The following LAMA2 variants were observed in gnomAD, a reference collection of about 807,000 sequenced individuals.
LAMA2 encodes the protein laminin subunit alpha-2.
LAMA2 carries 269 observed loss-of-function variants against 364.8 expected under a neutral mutation model. The observed-to-expected ratio is 0.74, with a 90% CI of 0.67 to 0.82. The LOEUF is 0.82. Ranked by LOEUF, LAMA2 falls within the 40% of genes least tolerant of loss-of-function variation. LAMA2 has a pLI of 0.00. For synonymous variants in LAMA2, 1,379 were observed against 1,370.6 expected, an observed-to-expected ratio of 1.01 and a Z score of -0.14; for missense variants, 3,807 against 3,873.2, an observed-to-expected ratio of 0.98 and a Z score of 0.45.
chr6:129,503,137 C>A lies in LAMA2; in HGVS notation c.8404C>A (p.Leu2802Ile). Residue 2802 changes from leucine (L) to isoleucine (I), a missense_variant, in exon 60 of 65, where the codon CTT becomes ATT. Physicochemically the swap from Leu to Ile is conservative, Grantham distance 5. Transcript: ENST00000421865. The stretch of plus-strand genomic sequence containing the variant: ...AAGAACCGAAGCTGAATCCGGCTTG[C>A]TTTTTTACATGGCTCGCATCAATCA... ...EVRTEAESGL[L>I]FYMARINHAD... 6.2e-7 allele frequency: 1 copy of A among 1,614,146 alleles called. No homozygotes were observed. The highest frequency in any genetic ancestry group is 1.3e-5 in the African/African-American group (1 of 75,034).
At chr6:129,131,750 C>A (rs1777486033) in intron 4 of LAMA2, among the ~76,000 whole-genome samples, 1 of 152,140 alleles carries the variant, frequency 6.6e-6, no homozygotes, top group South Asian at 2.1e-4. Flanking sequence ...TTACTTGTAT[C>A]AAAATTGTTG....
intron 4 of LAMA2, among the ~76,000 whole-genome samples, chr6:129,136,442 T>G (rs1340155681): frequency 1.3e-5 from 2 of 152,036 alleles, no homozygotes; most frequent in African/African-American, 2.4e-5. Flanking sequence ...TAGAAAGCAC[T>G]GCCACATGAA....
chr6:129,079,733 A>G (rs987523491), intron 3 of LAMA2, among the ~76,000 whole-genome samples: 2 of 152,132 alleles, frequency 1.3e-5, no homozygotes, highest in African/African-American at 4.8e-5. Context: ...AAATTTGAGA[A>G]TCTTGAAACA....
chr6:128,961,364 T>TATATATATATC (rs1781509356), intron 1 of LAMA2, among the ~76,000 whole-genome samples: 1 of 100,440 alleles, frequency 1.0e-5, no homozygotes, highest in South Asian at 3.3e-4. Context: ...TATATATATA[T>TATATATATATC]ATATTAGTTT....
At chr6:128,957,836 A>ATTTTTTTTTTTTTTTTTTTTTTTT (rs10652900) in intron 1 of LAMA2, among the ~76,000 whole-genome samples, 2 of 51,264 alleles carry the variant, frequency 3.9e-5, no homozygotes, top group Non-Finnish European at 6.8e-5. Flanking sequence ...TACTTCATGC[A>ATTTTTTTTTTTTTTTTTTTTTTTT]TTTTTTTTTT....
At chr6:129,269,364 C>T (rs74955171) in intron 16 of LAMA2, among the ~76,000 whole-genome samples, 1 of 144,686 alleles carries the variant, frequency 6.9e-6, no homozygotes, top group Non-Finnish European at 1.5e-5. Flanking sequence ...AAGCTTCCAT[C>T]TTTTTTTTTT....
chr6:129,462,560 A>T (rs963581554), intron 49 of LAMA2, among the ~76,000 whole-genome samples: 6 of 151,926 alleles, frequency 3.9e-5, no homozygotes, highest in Non-Finnish European at 7.4e-5. Context: ...TACTGAAATA[A>T]TCCTATATTT....
chr6:129,033,671 T>A (rs971010330), intron 1 of LAMA2, among the ~76,000 whole-genome samples: 72 of 152,274 alleles, frequency 4.7e-4, no homozygotes, highest in African/African-American at 1.6e-3. Flanking sequence ...TGCTTTATAT[T>A]TTGAGTTTAC....
intron 3 of LAMA2, among the ~76,000 whole-genome samples, chr6:129,076,919 A>T (rs1773702744): frequency 6.6e-6 from 1 of 152,136 alleles, no homozygotes; most frequent in Non-Finnish European, 1.5e-5. Context: ...AAGACAGTAC[A>T]ACTAAGGAGA....
At chr6:129,429,415 G>A (rs942640112) in intron 41 of LAMA2, among the ~76,000 whole-genome samples, 3 of 152,152 alleles carry the variant, frequency 2.0e-5, no homozygotes, top group Non-Finnish European at 4.4e-5. Context: ...AATAAATGGT[G>A]TTGGCTTATC....
intron 1 of LAMA2, among the ~76,000 whole-genome samples, chr6:128,966,680 A>C (rs1300711519): frequency 2.0e-5 from 3 of 152,154 alleles, no homozygotes; most frequent in Non-Finnish European, 4.4e-5. Context: ...CTAAATATTC[A>C]TAAAAACTAT....
At chr6:129,259,128 T>G (rs987971342) in intron 14 of LAMA2, among the ~76,000 whole-genome samples, 1 of 152,112 alleles carries the variant, frequency 6.6e-6, no homozygotes, top group African/African-American at 2.4e-5. Context: ...TCAAAAGTAC[T>G]GTCAAGTGTC....
chr6:129,109,548 A>G (rs1034869259), intron 4 of LAMA2, among the ~76,000 whole-genome samples: 2 of 152,090 alleles, frequency 1.3e-5, no homozygotes, highest in African/African-American at 2.4e-5. Flanking sequence ...AAACCAATAA[A>G]ATTATATTTT....
intron 3 of LAMA2, among the ~76,000 whole-genome samples, chr6:129,090,618 C>A (rs1358885796): frequency 6.6e-6 from 1 of 152,136 alleles, no homozygotes; most frequent in Non-Finnish European, 1.5e-5. Flanking sequence ...TTTCTTACAT[C>A]CTGCATTTTG....
intron 55 of LAMA2, among the ~76,000 whole-genome samples, chr6:129,484,279 T>C (rs1784491914): frequency 1.3e-5 from 2 of 152,132 alleles, no homozygotes; most frequent in South Asian, 4.1e-4. Context: ...AAGAACAGTA[T>C]TGGAAAGATG....
chr6:128,922,246 T>G (rs1479853459), intron 1 of LAMA2, among the ~76,000 whole-genome samples: 2 of 151,066 alleles, frequency 1.3e-5, no homozygotes, highest in African/African-American at 2.4e-5. Flanking sequence ...CTGGGTCAAA[T>G]GGTATTTCTA....
At chr6:129,277,078 C>T (rs763505176) in intron 17 of LAMA2, among the ~76,000 whole-genome samples, 5 of 152,112 alleles carry the variant, frequency 3.3e-5, no homozygotes, top group South Asian at 2.1e-4. Context: ...ACAGCTTCCC[C>T]TCCTCCCCTA....
At chr6:129,346,151 A>G (rs970156294) in intron 30 of LAMA2, among the ~76,000 whole-genome samples, 1 of 152,188 alleles carries the variant, frequency 6.6e-6, no homozygotes, top group Non-Finnish European at 1.5e-5. Flanking sequence ...ACACACCCTT[A>G]GAAGTTTCCA....
At chr6:129,112,256 G>A (rs2114902404) in intron 4 of LAMA2, among the ~76,000 whole-genome samples, 1 of 151,960 alleles carries the variant, frequency 6.6e-6, no homozygotes, top group African/African-American at 2.4e-5. Flanking sequence ...ATTTAATTTT[G>A]TGTTATTTTT....
Sources: gnomAD v4.1 joint callset for allele counts (sites outside exome capture counted in the v4.1 genomes callset) on GRCh38, gnomAD v4.1.1 for gene constraint, MANE v1.5 for transcripts, NCBI Gene and HGNC (gene_info 2026-07-23, HGNC 2026-07-21) for gene names.